The following KCNAB1 variants were observed in gnomAD, a reference collection of about 807,000 sequenced individuals.
The protein encoded by KCNAB1 is voltage-gated potassium channel subunit beta-1.
In KCNAB1, 35 loss-of-function variants were observed where a neutral mutation model predicts 64.6. The observed-to-expected ratio is 0.54, with a 90% CI of 0.41 to 0.72. The LOEUF is 0.72. Ranked by LOEUF, KCNAB1 falls within the 30% of genes least tolerant of loss-of-function variation. KCNAB1 has a pLI of 0.00. For missense variants in KCNAB1, 401 were observed against 512.9 expected, an observed-to-expected ratio of 0.78 and a Z score of 2.11; for synonymous variants, 177 against 183.8, an observed-to-expected ratio of 0.96 and a Z score of 0.30.
At chr3:156,127,884 G>GGTGTGTGT (rs10576749) in intron 1 of KCNAB1, among the ~76,000 whole-genome samples, 10,735 of 147,498 alleles carry the variant, frequency 0.073, 428 homozygotes, top group African/African-American at 0.1. Flanking sequence ...CTTCATTTGG[G>GGTGTGTGT]GTGTGTGTGT....
chr3:156,342,609 A>C (rs202110587), intron 1 of KCNAB1, among the ~76,000 whole-genome samples: 1 of 104,688 alleles, frequency 9.6e-6, no homozygotes, highest in African/African-American at 3.5e-5. Flanking sequence ...TTTTTTTTTA[A>C]TTTTTTTTTT....
At chr3:156,176,005 T>G (rs565403756) in intron 1 of KCNAB1, 287 of 871,252 alleles carry the variant, frequency 3.3e-4, no homozygotes, top group Non-Finnish European at 5.1e-4. Context: ...CACAAACCTG[T>G]CGGCTGTGCC....
At chr3:156,444,967 A>G (rs1265241014) in intron 2 of KCNAB1, among the ~76,000 whole-genome samples, 1 of 152,162 alleles carries the variant, frequency 6.6e-6, no homozygotes, top group Non-Finnish European at 1.5e-5. Flanking sequence ...GATGGCAGCA[A>G]TTGAGTAAAA....
At chr3:156,237,540 G>A (rs555103529) in intron 1 of KCNAB1, among the ~76,000 whole-genome samples, 4 of 152,078 alleles carry the variant, frequency 2.6e-5, no homozygotes, top group Non-Finnish European at 2.9e-5. Context: ...TCAACTATAC[G>A]TATTGTTTTG....
intron 1 of KCNAB1, among the ~76,000 whole-genome samples, chr3:156,169,814 T>C (rs889079887): frequency 2.6e-5 from 4 of 152,258 alleles, no homozygotes; most frequent in Non-Finnish European, 4.4e-5. Context: ...GTAGGTTTCC[T>C]GCAGCCTCCC....
At position 156,389,117 on chromosome 3, in the gene KCNAB1, G is replaced by A. The variant is rs557324178; in HGVS notation, c.276-32499G>A. Reference sequence around the variant, plus strand: ...CAAAGTAGTGGGGTCCGGTGGCACTGCAGCCTCTCATGACAAGCGAGGTCT... The same window carrying A: ...CAAAGTAGTGGGGTCCGGTGGCACTACAGCCTCTCATGACAAGCGAGGTCT... On this transcript the variant is annotated intron_variant, in intron 1 of 13. Transcript: ENST00000490337. Among the ~76,000 whole-genome samples the A allele has an allele frequency of 2.0e-5, 3 of 152,254 alleles. No homozygotes were observed. In the East Asian group the frequency reaches 5.8e-4, roughly 29 times the overall value.
chr3:156,227,576 C>T (rs1429902970), intron 1 of KCNAB1: 1 of 152,046 alleles, frequency 6.6e-6, no homozygotes, highest in Admixed American at 6.5e-5. Flanking sequence ...GGTAAGTCGA[C>T]ATTATTATAT....
At position 156,197,982 on chromosome 3, in the gene KCNAB1, A is replaced by G. The variant is rs147766399; in HGVS notation, c.275+77096A>G. ...AACTGTGTCCCAGAGATTCTGGTAC[A>G]TTGTGTCTTTGTTCTCATTGGTTTC... On this transcript the variant is annotated intron_variant, in intron 1 of 13. Coordinates refer to ENST00000490337, the MANE Select transcript of KCNAB1 (RefSeq NM_172160.3). Among the ~76,000 whole-genome samples the G allele has an allele frequency of 1.4e-4, 21 of 152,106 alleles. 1 individual carries two copies. Among genetic ancestry groups the G allele is most frequent in the Admixed American group, 9.2e-4 (14 of 15,270 alleles).
At chr3:156,380,551 T>A (rs58554278) in intron 1 of KCNAB1, among the ~76,000 whole-genome samples, 2,952 of 152,234 alleles carry the variant, frequency 0.019, 90 homozygotes, top group African/African-American at 0.066. Context: ...ACTTATCAGG[T>A]AGATTTCCAG....
chr3:156,177,729 A>C (rs1712495884), intron 1 of KCNAB1, among the ~76,000 whole-genome samples: 1 of 151,118 alleles, frequency 6.6e-6, no homozygotes, highest in Admixed American at 6.6e-5. Flanking sequence ...CATCTCATTT[A>C]AATGTACACA....
At chr3:156,344,151 A>G (rs1219436454) in intron 1 of KCNAB1, among the ~76,000 whole-genome samples, 2 of 152,226 alleles carry the variant, frequency 1.3e-5, no homozygotes, top group East Asian at 3.9e-4. Context: ...AGGGAGCTCA[A>G]TATCCTATCA....
At chr3:156,299,842 A>T (rs1721039308) in intron 1 of KCNAB1, among the ~76,000 whole-genome samples, 1 of 152,146 alleles carries the variant, frequency 6.6e-6, no homozygotes, top group Non-Finnish European at 1.5e-5. Context: ...ACTACTTGTA[A>T]AGGCCTCTAA....
intron 1 of KCNAB1, among the ~76,000 whole-genome samples, chr3:156,245,172 A>G (rs755501708): frequency 2.0e-5 from 3 of 152,214 alleles, no homozygotes; most frequent in Non-Finnish European, 4.4e-5. Context: ...CCTTCCTGCC[A>G]TCTTAGAATT....
intron 1 of KCNAB1, among the ~76,000 whole-genome samples, chr3:156,220,258 G>C (rs1378193289): frequency 6.6e-6 from 1 of 152,146 alleles, no homozygotes; most frequent in African/African-American, 2.4e-5. Context: ...GGGTCAAATG[G>C]TATTTCTAGT....
At chr3:156,134,587 A>T (rs1298063533) in intron 1 of KCNAB1, among the ~76,000 whole-genome samples, 2 of 152,248 alleles carry the variant, frequency 1.3e-5, no homozygotes, top group African/African-American at 4.8e-5. Context: ...CTACAAATTC[A>T]GTTGTTACTC....
rs17307351 is a variant in KCNAB1 at position 156,265,623 on chromosome 3, A to G, written c.275+144737A>G. Among the ~76,000 whole-genome samples, 897 of 152,252 alleles carry G rather than the reference A, an allele frequency of 5.9e-3. 10 individuals are homozygous for G. The highest frequency in any genetic ancestry group is 0.016 in the South Asian group (79 of 4,822). On this transcript the variant is annotated intron_variant, in intron 1 of 13. Transcript: ENST00000490337. ...TTATTTGATTTATGGGAATTCTTCT[A>G]TTTACCCATGCTTTCCCCAAACTGA...
At chr3:156,492,434 T>A (rs1022264850) in intron 8 of KCNAB1, among the ~76,000 whole-genome samples, 2 of 152,122 alleles carry the variant, frequency 1.3e-5, no homozygotes, top group Non-Finnish European at 2.9e-5. Context: ...CATTCCACTT[T>A]TTTTTAGCAC....
chr3:156,234,838 C>A (rs1366561371), intron 1 of KCNAB1, among the ~76,000 whole-genome samples: 1 of 152,170 alleles, frequency 6.6e-6, no homozygotes. Flanking sequence ...CTCCTGATAT[C>A]TTCACTCACA....
chr3:156,179,000 CAAAAAA>C (rs200144513), intron 1 of KCNAB1, among the ~76,000 whole-genome samples: 6 of 108,076 alleles, frequency 5.6e-5, no homozygotes, highest in Non-Finnish European at 1.1e-4. Context: ...GACTCCGTCT[CAAAAAA>C]AAAAAAAAAA....
Sources: allele counts gnomAD v4.1 joint callset (sites outside exome capture counted in the v4.1 genomes callset), GRCh38; gene constraint gnomAD v4.1.1; transcripts MANE v1.5; gene names NCBI Gene and HGNC (gene_info 2026-07-23, HGNC 2026-07-21).